Variants in MYC observed in about 807,000 individuals in gnomAD.
The protein encoded by MYC is MYC proto-oncogene, bHLH transcription factor.
A neutral mutation model predicts 30.5 loss-of-function variants in MYC; 1 was observed. The ratio of observed to expected loss-of-function variants is 0.03; its 90% CI spans 0.01 to 0.16. MYC has a LOEUF of 0.16. MYC is among the 10% of genes least tolerant of loss of function. The pLI is 1.00. For missense variants in MYC, 508 were observed against 589.0 expected, an observed-to-expected ratio of 0.86 and a Z score of 1.42; for synonymous variants, 267 against 250.7, an observed-to-expected ratio of 1.07 and a Z score of -0.62.
In MYC at chr8:127,741,506, C is replaced by T. The variant is rs1813712341; in HGVS notation, c.*548C>T. The stretch of plus-strand genomic sequence containing the variant: ...TCCCTGTTTGTTTTCATCAATTGCC[C>T]CTTCAGAGGGTGGTCTTAAGAAAGG... On this transcript the variant is annotated 3_prime_UTR_variant, in exon 3 of 3. Transcript: ENST00000621592. The T allele has an allele frequency of 5.1e-6, 1 of 195,484 alleles. No homozygotes were observed. The highest frequency in any genetic ancestry group is 1.1e-5 in the Non-Finnish European group (1 of 94,496). 12.1% of individuals were successfully genotyped at this position (195,484 alleles called of 1,614,324 possible).
intron 1 of MYC, among the ~76,000 whole-genome samples, chr8:127,737,826 C>G (rs1490506507): frequency 2.0e-5 from 3 of 152,150 alleles, no homozygotes; most frequent in Non-Finnish European, 4.4e-5. Flanking sequence ...GCCGCTAGCG[C>G]CCAGGCGCCT....
In MYC at chr8:127,738,470, T is replaced by A. The variant is rs1184821004; in HGVS notation, c.253T>A (p.Cys85Ser). ...GTCCCCTAGCCGCCGCTCCGGGCTC[T>A]GCTCGCCCTCCTACGTTGCGGTCAC... The change falls in exon 2 of 3, where the codon TGC becomes AGC. Residue 85 changes from cysteine (C) to serine (S), a missense_variant. By Grantham distance (112) the Cys-to-Ser change is moderately radical (BLOSUM62 -1). Coordinates refer to ENST00000621592, the MANE Select transcript of MYC (RefSeq NM_002467.6). The surrounding 1 kb of genome is among the most constrained non-coding windows in gnomAD (Gnocchi z 7.6). 1.9e-5 allele frequency: 30 copies of A among 1,606,742 alleles called. No individual in the cohort carries two copies. Among genetic ancestry groups the A allele is most frequent in the Non-Finnish European group, 2.5e-5 (29 of 1,175,162 alleles).
At position 127,736,536 on chromosome 8, in the gene MYC, TC is replaced by T. The variant is rs1813593349; in HGVS notation, c.-54del. 3.7e-6 allele frequency: 6 copies of T among 1,603,096 alleles called. No homozygotes were observed. Among genetic ancestry groups the T allele is most frequent in the South Asian group, 3.3e-5 (3 of 90,548 alleles). On this transcript the variant is annotated 5_prime_UTR_variant, in exon 1 of 3. Transcript: ENST00000621592. The stretch of plus-strand genomic sequence containing the variant: ...GCTATTCTGCCCATTTGGGGACACT[TC>T]CCCGCCGCTGCCAGGACCCGCTTCT...
At position 127,736,448 on chromosome 8, in the gene MYC, C is replaced by T. The variant is rs776052954; in HGVS notation, c.-146C>T. The T allele has an allele frequency of 6.1e-6, 5 of 815,078 alleles. No homozygotes were observed. Among genetic ancestry groups the T allele is most frequent in the Non-Finnish European group, 9.8e-6 (5 of 510,308 alleles). 50.5% of individuals were successfully genotyped at this position (815,078 alleles called of 1,614,324 possible). On this transcript the variant is annotated 5_prime_UTR_variant, in exon 1 of 3. Transcript: ENST00000621592. Reference sequence around the variant, plus strand: ...ACGAAACTTTGCCCATAGCAGCGGGCGGGCACTTTGCACTGGAACTTACAA... The same window carrying T: ...ACGAAACTTTGCCCATAGCAGCGGGTGGGCACTTTGCACTGGAACTTACAA...
chr8:127,736,741 T>C (rs1813598224), intron 1 of MYC, 118 bp downstream of exon 1: 2 of 1,201,902 alleles, frequency 1.7e-6, no homozygotes, highest in Non-Finnish European at 2.4e-6. Context: ...GACACTTTTC[T>C]CAGAGTAGTT....
rs1159672918 is a variant in MYC, at chr8:127,739,007, A to T, written c.790A>T (p.Ser264Cys). 1 of 1,512,572 alleles carries T rather than the reference A, an allele frequency of 6.6e-7. No individual in the cohort carries two copies. Among genetic ancestry groups the T allele is most frequent in the African/African-American group, 1.4e-5 (1 of 72,002 alleles). The allele number at this position is 1,512,572 out of a possible 1,614,324, so 93.7% of individuals were successfully genotyped here. ...CCATGAGGAGACACCGCCCACCACC[A>T]GCAGCGACTCTGGTAAGCGAAGCCC... The change falls in exon 2 of 3, where the codon AGC (serine) becomes TGC (cysteine). Residue 264 changes from serine to cysteine, a missense_variant. Physicochemically the swap from Ser to Cys is moderately radical, Grantham distance 112. Coordinates refer to ENST00000621592, the MANE Select transcript of MYC (RefSeq NM_002467.6).
At position 127,738,683 on chromosome 8, in the gene MYC, G is replaced by T. The variant is rs1813651272; in HGVS notation, c.466G>T (p.Ala156Ser). Reference sequence around the variant, plus strand: ...CTGTATGTGGAGCGGCTTCTCGGCCGCCGCCAAGCTCGTCTCAGAGAAGCT... The same window carrying T: ...CTGTATGTGGAGCGGCTTCTCGGCCTCCGCCAAGCTCGTCTCAGAGAAGCT... Residue 156 changes from alanine (A) to serine (S), a missense_variant, in exon 2 of 3, where the codon GCC becomes TCC. By Grantham distance (99) the Ala-to-Ser change is moderately conservative. Coordinates refer to ENST00000621592, the MANE Select transcript of MYC (RefSeq NM_002467.6). The surrounding 1 kb of genome is among the most constrained non-coding windows in gnomAD (Gnocchi z 7.6). 6.2e-7 allele frequency: 1 copy of T among 1,614,050 alleles called. No individual in the cohort carries two copies. Among genetic ancestry groups the T allele is most frequent in the Non-Finnish European group, 8.5e-7 (1 of 1,179,908 alleles).
chr8:127,739,832 G>A (rs1447411343), intron 2 of MYC, among the ~76,000 whole-genome samples: 1 of 151,998 alleles, frequency 6.6e-6, no homozygotes, highest in Non-Finnish European at 1.5e-5. Context: ...TTAAGTCTTA[G>A]GTAAGAATTG....
At position 127,741,886 on chromosome 8, in the gene MYC, G is replaced by C. The variant is rs1368554361; in HGVS notation, c.*928G>C. On this transcript the variant is annotated 3_prime_UTR_variant, in exon 3 of 3. Coordinates refer to ENST00000621592, the MANE Select transcript of MYC (RefSeq NM_002467.6). ...CTGCTGCCTTCACAACCAGGCGCCA[G>C]TCCTGTCCATGGGTTATCTCGCAAA... 6.6e-6 allele frequency among the ~76,000 whole-genome samples: 1 copy of C among 152,216 alleles called. No individual in the cohort carries two copies. Among genetic ancestry groups the C allele is most frequent in the East Asian group, 1.9e-4 (1 of 5,194 alleles).
chr8:127,738,631 C>T lies in MYC; in HGVS notation c.414C>T (p.Thr138=). The stretch of plus-strand genomic sequence containing the variant: ...TCATCTGCGACCCGGACGACGAGAC[C>T]TTCATCAAAAACATCATCATCCAGG... The change falls in exon 2 of 3, where the codon ACC becomes ACT. Residue 138 remains threonine, a synonymous_variant. Transcript: ENST00000621592. This position sits in a 1 kb window ranked among gnomAD's most constrained non-coding sequence, Gnocchi z 7.6. 1.9e-6 allele frequency: 3 copies of T among 1,613,016 alleles called. No homozygotes were observed. Among genetic ancestry groups the T allele is most frequent in the Non-Finnish European group, 1.7e-6 (2 of 1,179,220 alleles).
Position 127,736,469 on chromosome 8 carries a change from T to G in MYC, c.-125T>G. 9.0e-7 allele frequency: 1 copy of G among 1,108,524 alleles called. No homozygotes were observed. Among genetic ancestry groups the G allele is most frequent in the Non-Finnish European group, 1.3e-6 (1 of 756,054 alleles). The allele number at this position is 1,108,524 out of a possible 1,614,324, so 68.7% of individuals were successfully genotyped here. On this transcript the variant is annotated 5_prime_UTR_variant, in exon 1 of 3. Transcript: ENST00000621592. ...CGGGCGGGCACTTTGCACTGGAACTTACAACACCCGAGCAAGGACGCGACT... is the reference window on the plus strand; with the variant it reads ...CGGGCGGGCACTTTGCACTGGAACTGACAACACCCGAGCAAGGACGCGACT...
Position 127,738,253 on chromosome 8 carries a change from T to A in MYC, c.36T>A (p.Pro12=). Residue 12 remains proline (P), a synonymous_variant, in exon 2 of 3, where the codon CCT becomes CCA. Coordinates refer to ENST00000621592, the MANE Select transcript of MYC (RefSeq NM_002467.6). This position sits in a 1 kb window ranked among gnomAD's most constrained non-coding sequence, Gnocchi z 7.6. ...CTTTGTGTGCCCCGCTCCAGCAGCC[T>A]CCCGCGACGATGCCCCTCAACGTTA... is the stretch of plus-strand genomic sequence containing the variant. The A allele has an allele frequency of 1.9e-6, 3 of 1,583,030 alleles. No individual in the cohort carries two copies. In the African/African-American group the frequency reaches 4.0e-5, roughly 21 times the overall value.
chr8:127,739,588 GC>G (rs1483414073), intron 2 of MYC, among the ~76,000 whole-genome samples: 9 of 144,742 alleles, frequency 6.2e-5, no homozygotes, highest in Non-Finnish European at 1.2e-4. Context: ...GCAAATCCTT[GC>G]CAAAGTTGGA....
At position 127,742,803 on chromosome 8, in the gene MYC, AATG is replaced by A. The variant is rs1468453235; in HGVS notation, c.*1849_*1851del. On this transcript the variant is annotated 3_prime_UTR_variant, in exon 3 of 3. Coordinates refer to ENST00000621592, the MANE Select transcript of MYC (RefSeq NM_002467.6). ...CTGAAAACCTATGGCCCAAACCAGAAATGATGTTGATTATATAGGTAAATGAAG... is the reference window on the plus strand; with the variant it reads ...CTGAAAACCTATGGCCCAAACCAGAAATGTTGATTATATAGGTAAATGAAG... 1.3e-5 allele frequency among the ~76,000 whole-genome samples: 2 copies of A among 152,200 alleles called. No homozygotes were observed. Among genetic ancestry groups the A allele is most frequent in the African/African-American group, 4.8e-5 (2 of 41,438 alleles).
upstream of MYC, chr8:127,735,701 G>A: frequency 2.5e-6 from 1 of 399,058 alleles, no homozygotes; most frequent in Non-Finnish European, 4.4e-6. Flanking sequence ...CGCGCAGTGC[G>A]TTCTCGGTGT....
Position 127,736,352 on chromosome 8 carries a change from A to T in MYC, c.-242A>T, listed in dbSNP as rs1358608517. The T allele has an allele frequency of 1.7e-6, 1 of 600,792 alleles. No homozygotes were observed. Among genetic ancestry groups the T allele is most frequent in the Non-Finnish European group, 3.0e-6 (1 of 338,514 alleles). The allele number at this position is 600,792 out of a possible 1,614,324, so 37.2% of individuals were successfully genotyped here. On this transcript the variant is annotated 5_prime_UTR_variant, in exon 1 of 3. Transcript: ENST00000621592. ...CTGGGAAGGGAGATCCGGAGCGAAT[A>T]GGGGGCTTCGCCTCTGGCCCAGCCC... is the stretch of plus-strand genomic sequence containing the variant.
chr8:127,738,851 T>C lies in MYC; in HGVS notation c.634T>C (p.Tyr212His). The change falls in exon 2 of 3, where the codon TAC becomes CAC. Residue 212 changes from tyrosine to histidine, a missense_variant. By Grantham distance (83) the Tyr-to-His change is moderately conservative. This residue lies in a region of MYC where 364 missense variants were observed against 381.1 expected (regional missense o/e 0.96). Coordinates refer to ENST00000621592, the MANE Select transcript of MYC (RefSeq NM_002467.6). The surrounding 1 kb of genome is among the most constrained non-coding windows in gnomAD (Gnocchi z 7.6). ...CATCGACCCCTCGGTGGTCTTCCCC[T>C]ACCCTCTCAACGACAGCAGCTCGCC... 5 of 1,612,494 alleles carry C rather than the reference T, an allele frequency of 3.1e-6. No homozygotes were observed. The highest frequency in any genetic ancestry group is 2.2e-5 in the South Asian group (2 of 91,004).
Position 127,736,401 on chromosome 8 carries a change from G to A in MYC, c.-193G>A. On this transcript the variant is annotated 5_prime_UTR_variant, in exon 1 of 3. Coordinates refer to ENST00000621592, the MANE Select transcript of MYC (RefSeq NM_002467.6). Reference sequence around the variant, plus strand: ...CCTCCCGCTGATCCCCCAGCCAGCGGTCCGCAACCCTTGCCGCATCCACGA... The same window carrying A: ...CCTCCCGCTGATCCCCCAGCCAGCGATCCGCAACCCTTGCCGCATCCACGA... 1 of 631,042 alleles carries A rather than the reference G, an allele frequency of 1.6e-6. No individual in the cohort carries two copies. The highest frequency in any genetic ancestry group is 2.8e-6 in the Non-Finnish European group (1 of 360,458). 39.1% of individuals were successfully genotyped at this position (631,042 alleles called of 1,614,324 possible).
rs953617444 is a variant in MYC at position 127,742,152 on chromosome 8, C to T, written c.*1194C>T. Among the ~76,000 whole-genome samples, 3 of 152,220 alleles carry T rather than the reference C, an allele frequency of 2.0e-5. No homozygotes were observed. Reference sequence around the variant, plus strand: ...TGGACAGACTCAAGTCATAACAATGCTAAGCTCTATTTGTGTCCCAAGCAC... The same window carrying T: ...TGGACAGACTCAAGTCATAACAATGTTAAGCTCTATTTGTGTCCCAAGCAC... On this transcript the variant is annotated 3_prime_UTR_variant, in exon 3 of 3. Coordinates refer to ENST00000621592, the MANE Select transcript of MYC (RefSeq NM_002467.6).
Sources: allele counts gnomAD v4.1 joint callset (sites outside exome capture counted in the v4.1 genomes callset), GRCh38; gene constraint gnomAD v4.1.1; regional missense constraint gnomAD v4.1.1; non-coding constraint Gnocchi (gnomAD v3.1); transcripts MANE v1.5; gene names NCBI Gene and HGNC (gene_info 2026-07-23, HGNC 2026-07-21).